The following TASOR2 variants were observed in gnomAD, a reference collection of about 807,000 sequenced individuals.
TASOR2 encodes protein TASOR 2.
Under a neutral mutation model 199.5 loss-of-function variants are expected in TASOR2, and 84 were observed. The ratio of observed to expected loss-of-function variants is 0.42; its 90% confidence interval spans 0.35 to 0.50. The LOEUF (loss-of-function observed/expected upper bound fraction) is 0.50, where lower values mean the gene tolerates loss of function less well. TASOR2 is among the 20% of genes least tolerant of loss of function. The probability of loss-of-function intolerance (pLI) is 0.02; values close to 1 mark genes in which losing one functional copy is unlikely to be tolerated. For missense variants in TASOR2, 2,796 were observed against 2,835.9 expected (o/e 0.99, Z 0.32); for synonymous variants, 1,103 against 1,046.6 (o/e 1.05, Z -1.04).
chr10:5,730,933 T>G lies in TASOR2; in HGVS notation c.934T>G (p.Ser312Ala). 1 of 1,614,186 alleles carries G rather than the reference T, an allele frequency of 6.2e-7. No homozygotes were observed. The highest frequency in any genetic ancestry group is 8.5e-7 in the Non-Finnish European group (1 of 1,180,040). Reference sequence around the variant, plus strand: ...GACTCCAGATCCTGAATTTCTTGTCTCAGAGGCAGAAGTGAGAAAAGAAAC... The same window carrying G: ...GACTCCAGATCCTGAATTTCTTGTCGCAGAGGCAGAAGTGAGAAAAGAAAC... Residue 312 changes from serine (S) to alanine (A), a missense_variant, in exon 11 of 21, where the codon TCA (serine) becomes GCA (alanine). This residue lies in a region of TASOR2 where 847 missense variants were observed against 887.4 expected (regional missense o/e 0.95). Transcript: ENST00000328090. The surrounding 1 kb of genome is among the most constrained non-coding windows in gnomAD (Gnocchi z 4.1).
At chr10:5,728,059 C>T (rs925468744) in intron 10 of TASOR2, among the ~76,000 whole-genome samples, 11 of 151,402 alleles carry the variant, frequency 7.3e-5, no homozygotes, top group Non-Finnish European at 1.5e-4. Flanking sequence ...CCTGTTTCTA[C>T]AAAAAATAGA....
In TASOR2 at chr10:5,687,941, T is replaced by C. The variant is rs950750659; in HGVS notation, c.-288+2766T>C. Among the ~76,000 whole-genome samples the C allele has an allele frequency of 1.3e-5, 2 of 152,246 alleles. No individual in the cohort carries two copies. Among genetic ancestry groups the C allele is most frequent in the Admixed American group, 1.3e-4 (2 of 15,288 alleles). On this transcript the variant is annotated intron_variant, in intron 1 of 20. Coordinates refer to ENST00000328090, the Ensembl canonical transcript of TASOR2. This position sits in a 1 kb window ranked among gnomAD's most constrained non-coding sequence, Gnocchi z 4.8. ...GTTTATTTATTGGTACCTTTAAATA[T>C]AATAACCCATTACATCTTAACATAT...
intron 2 of TASOR2, among the ~76,000 whole-genome samples, chr10:5,717,025 C>T (rs1359813062): frequency 2.7e-5 from 1 of 37,244 alleles, no homozygotes; most frequent in Non-Finnish European, 5.2e-5. Flanking sequence ...CAGCTTACAT[C>T]TCAAAAAAAA....
In TASOR2 at chr10:5,698,545, G is replaced by T. The variant is rs1336321156; in HGVS notation, c.-288+13370G>T. Among the ~76,000 whole-genome samples, 3 of 152,142 alleles carry T rather than the reference G, an allele frequency of 2.0e-5. No individual in the cohort carries two copies. The highest frequency in any genetic ancestry group is 4.8e-5 in the African/African-American group (2 of 41,452). ...ACAAGTGGTCAAGCTACTGCCTGTG[G>T]TCTTGCCTATTTTTGTAAATAAAGT... is the stretch of plus-strand genomic sequence containing the variant. On this transcript the variant is annotated intron_variant, in intron 1 of 20. Coordinates refer to ENST00000328090, the Ensembl canonical transcript of TASOR2. The surrounding 1 kb of genome is among the most constrained non-coding windows in gnomAD (Gnocchi z 4.4).
Position 5,717,647 on chromosome 10 carries a change from A to G in TASOR2, c.-191-12A>G, listed in dbSNP as rs886396960. ...CAATCTGCTGCTTAATCTATATTTT[A>G]TACTTTTACAGGTGTATACATTTCC... On this transcript the variant is annotated splice_polypyrimidine_tract_variant and intron_variant, in intron 2 of 20. Coordinates refer to ENST00000328090, the Ensembl canonical transcript of TASOR2. 6.1e-6 allele frequency: 7 copies of G among 1,146,532 alleles called. No individual in the cohort carries two copies. The highest frequency in any genetic ancestry group is 4.2e-5 in the Admixed American group (1 of 23,576). 71.0% of individuals were successfully genotyped at this position (1,146,532 alleles called of 1,614,324 possible). A position where few individuals can be genotyped will look rare whatever the true frequency, so the allele number is the denominator to read the frequency against.
chr10:5,745,279 A>G (rs2131623027), intron 14 of TASOR2, among the ~76,000 whole-genome samples: 2 of 41,666 alleles, frequency 4.8e-5, no homozygotes, highest in Non-Finnish European at 9.8e-5. Context: ...TGCCATGTAC[A>G]ATAGGTATTC....
rs1181657632 is a variant in TASOR2, at chr10:5,706,755, C to T, written c.-287-6068C>T. 6.6e-6 allele frequency among the ~76,000 whole-genome samples: 1 copy of T among 152,168 alleles called. No homozygotes were observed. The highest frequency in any genetic ancestry group is 1.5e-5 in the Non-Finnish European group (1 of 68,024). On this transcript the variant is annotated intron_variant, in intron 1 of 20. Coordinates refer to ENST00000328090, the Ensembl canonical transcript of TASOR2. This position sits in a 1 kb window ranked among gnomAD's most constrained non-coding sequence, Gnocchi z 4.8. ...CGGTGGCTCATGCCTGTAATTCCAG[C>T]ACTTTGGGAGGCCGAGGTATGCAGA...
chr10:5,758,346 G>A lies in TASOR2; in HGVS notation c.6887-541G>A, dbSNP rs1588932506. The stretch of plus-strand genomic sequence containing the variant: ...CCTGGAGATCAGGAGTTCAAGACCA[G>A]CCTGGGCAACATAGTGAGATCCCAT... On this transcript the variant is annotated intron_variant, in intron 17 of 20. Coordinates refer to ENST00000328090, the Ensembl canonical transcript of TASOR2. Among the ~76,000 whole-genome samples the A allele has an allele frequency of 3.9e-5, 6 of 152,228 alleles. 1 individual carries two copies. In the South Asian group the frequency reaches 1.2e-3, roughly 32 times the overall value.
At chr10:5,744,410 C>G (rs930797811) in intron 14 of TASOR2, among the ~76,000 whole-genome samples, 1 of 152,192 alleles carries the variant, frequency 6.6e-6, no homozygotes, top group Non-Finnish European at 1.5e-5. Flanking sequence ...TCAACTGATT[C>G]TCCTGCCTCA....
chr10:5,748,254 T>C lies in TASOR2; in HGVS notation c.4833T>C (p.Pro1611=). The C allele has an allele frequency of 6.2e-7, 1 of 1,614,188 alleles. No individual in the cohort carries two copies. The highest frequency in any genetic ancestry group is 8.5e-7 in the Non-Finnish European group (1 of 1,180,032). The change falls in exon 15 of 21, where the codon CCT becomes CCC. Residue 1611 remains proline (P), a synonymous_variant. Transcript: ENST00000328090. This position sits in a 1 kb window ranked among gnomAD's most constrained non-coding sequence, Gnocchi z 5.1. ...TGTCAGTAAAACAGCAGACTAGCCCTAAAAGCAGTCAGAACCATCTCTTTC... is the reference window on the plus strand; with the variant it reads ...TGTCAGTAAAACAGCAGACTAGCCCCAAAAGCAGTCAGAACCATCTCTTTC...
chr10:5,703,361 G>A (rs1838141616), intron 1 of TASOR2, among the ~76,000 whole-genome samples: 2 of 151,914 alleles, frequency 1.3e-5, no homozygotes, highest in Admixed American at 6.6e-5. Context: ...TAAGGCATAG[G>A]TTTTTTTAAA....
chr10:5,700,105 C>T (rs1837624882), intron 1 of TASOR2, among the ~76,000 whole-genome samples: 1 of 152,068 alleles, frequency 6.6e-6, no homozygotes, highest in Non-Finnish European at 1.5e-5. Context: ...CCTACCCTTT[C>T]CAGCCTCTCA....
chr10:5,752,539 C>A lies in TASOR2; in HGVS notation c.6606+2512C>A, dbSNP rs1200347738. 1.3e-5 allele frequency among the ~76,000 whole-genome samples: 2 copies of A among 152,254 alleles called. No homozygotes were observed. Among genetic ancestry groups the A allele is most frequent in the Non-Finnish European group, 2.9e-5 (2 of 68,044 alleles). On this transcript the variant is annotated intron_variant, in intron 15 of 20. Transcript: ENST00000328090. This position sits in a 1 kb window ranked among gnomAD's most constrained non-coding sequence, Gnocchi z 4.4. ...CACTTCTGCTGATTTCCTGCGCTAA[C>A]TCCAGAATGTCACGTGGCGAGTCCA...
rs542956003 is a variant in TASOR2 at position 5,740,991 on chromosome 10, C to T, written c.2327+494C>T. Among the ~76,000 whole-genome samples the T allele has an allele frequency of 1.3e-5, 2 of 152,330 alleles. No individual in the cohort carries two copies. The highest frequency in any genetic ancestry group is 3.9e-4 in the East Asian group (2 of 5,180). On this transcript the variant is annotated intron_variant, in intron 13 of 20. Coordinates refer to ENST00000328090, the Ensembl canonical transcript of TASOR2. The surrounding 1 kb of genome is among the most constrained non-coding windows in gnomAD (Gnocchi z 5.3). ...AGTAATAACAGAGTGGTGAACAGCA[C>T]AGGCTTTGGAGTGTAGACTAACCTA...
chr10:5,726,594 G>A (rs1834087470), intron 8 of TASOR2, among the ~76,000 whole-genome samples: 1 of 152,130 alleles, frequency 6.6e-6, no homozygotes, highest in African/African-American at 2.4e-5. Flanking sequence ...AATGTCAGCT[G>A]TCTCAGTGAA....
chr10:5,696,010 C>A (rs951291150), intron 1 of TASOR2, among the ~76,000 whole-genome samples: 6 of 152,152 alleles, frequency 3.9e-5, no homozygotes, highest in African/African-American at 1.2e-4. Flanking sequence ...TCTCCTCTAC[C>A]TTGACGGAAG....
At position 5,742,956 on chromosome 10, in the gene TASOR2, T is replaced by C. The variant is rs1836646396; in HGVS notation, c.2757+430T>C. On this transcript the variant is annotated intron_variant, in intron 14 of 20. Coordinates refer to ENST00000328090, the Ensembl canonical transcript of TASOR2. The surrounding 1 kb of genome is among the most constrained non-coding windows in gnomAD (Gnocchi z 4.2). ...AAATTAATTGTATTAAAATTATTTTTGAAGACAGATGCTGGAATAGTAAAA... is the reference window on the plus strand; with the variant it reads ...AAATTAATTGTATTAAAATTATTTTCGAAGACAGATGCTGGAATAGTAAAA... Among the ~76,000 whole-genome samples the C allele has an allele frequency of 6.6e-6, 1 of 152,224 alleles. No homozygotes were observed. The highest frequency in any genetic ancestry group is 6.5e-5 in the Admixed American group (1 of 15,274).
chr10:5,763,077 TA>T (rs746191214), exon 21 of TASOR2: 1 of 1,602,030 alleles, frequency 6.2e-7, no homozygotes, highest in Non-Finnish European at 8.5e-7. Context: ...AATAAAAAAT[TA>T]GTATTTTCCC....
rs192351149 is a variant in TASOR2, at chr10:5,743,044, T to C, written c.2757+518T>C. On this transcript the variant is annotated intron_variant, in intron 14 of 20. Transcript: ENST00000328090. ...ATTTGTAAATATGGAAAATATACTT[T>C]GTTTTGTTCCTTGTTCTCAACTGAC... is the stretch of plus-strand genomic sequence containing the variant. Among the ~76,000 whole-genome samples the C allele has an allele frequency of 3.3e-3, 499 of 152,364 alleles. 1 individual carries two copies. Among genetic ancestry groups the C allele is most frequent in the African/African-American group, 0.012 (483 of 41,582 alleles).
Sources: allele counts gnomAD v4.1 joint callset (sites outside exome capture counted in the v4.1 genomes callset), GRCh38; gene constraint gnomAD v4.1.1; regional missense constraint gnomAD v4.1.1; non-coding constraint Gnocchi (gnomAD v3.1); transcripts MANE v1.5; gene names NCBI Gene and HGNC (gene_info 2026-07-23, HGNC 2026-07-21).